The following GRIK2 variants were observed in gnomAD, a reference collection of about 807,000 sequenced individuals.
GRIK2 encodes glutamate receptor ionotropic, kainate 2.
In GRIK2, 32 loss-of-function variants were observed where a neutral mutation model predicts 100.3. The observed-to-expected ratio is 0.32, with a 90% CI of 0.24 to 0.43. GRIK2 has a LOEUF of 0.43. Ranked by LOEUF, GRIK2 falls within the 20% of genes least tolerant of loss-of-function variation. The pLI is 1.00. For synonymous variants in GRIK2, 417 were observed against 389.4 expected, an observed-to-expected ratio of 1.07 and a Z score of -0.83; for missense variants, 843 against 1,114.9, an observed-to-expected ratio of 0.76 and a Z score of 3.47.
chr6:101,782,058 A>T (rs891592352), intron 7 of GRIK2, among the ~76,000 whole-genome samples: 2 of 152,154 alleles, frequency 1.3e-5, no homozygotes, highest in Non-Finnish European at 2.9e-5. Flanking sequence ...ATATTTATGG[A>T]GTACATGTGA....
chr6:101,881,766 TC>T (rs1391584990), intron 11 of GRIK2, among the ~76,000 whole-genome samples: 1 of 151,244 alleles, frequency 6.6e-6, no homozygotes, highest in African/African-American at 2.4e-5. Flanking sequence ...GGTGGGAGGA[TC>T]CCTTGAGCCC....
chr6:101,877,824 T>G (rs936404669), intron 11 of GRIK2, among the ~76,000 whole-genome samples: 3 of 151,756 alleles, frequency 2.0e-5, no homozygotes, highest in African/African-American at 7.2e-5. Context: ...TGTGGAGAGA[T>G]AAACAGTCCA....
chr6:101,733,217 A>C (rs976278826), intron 7 of GRIK2, among the ~76,000 whole-genome samples: 1 of 152,122 alleles, frequency 6.6e-6, no homozygotes, highest in African/African-American at 2.4e-5. Context: ...AATACTATCT[A>C]AATCAGATAT....
At chr6:101,654,367 G>A (rs762428998) in intron 4 of GRIK2, among the ~76,000 whole-genome samples, 6 of 152,054 alleles carry the variant, frequency 3.9e-5, no homozygotes, top group African/African-American at 9.7e-5. Flanking sequence ...GAATCACAAC[G>A]AATTTGACTG....
At chr6:101,672,289 C>T (rs943227405) in intron 4 of GRIK2, among the ~76,000 whole-genome samples, 2 of 152,122 alleles carry the variant, frequency 1.3e-5, no homozygotes, top group Non-Finnish European at 2.9e-5. Flanking sequence ...CAACCCTTGA[C>T]ATGGCTGATC....
chr6:101,882,540 A>G (rs188139475), intron 11 of GRIK2, among the ~76,000 whole-genome samples: 15 of 152,178 alleles, frequency 9.9e-5, no homozygotes, highest in Admixed American at 9.8e-4. Context: ...GAGGTGCTGA[A>G]GCAGCAGCTA....
In GRIK2 at chr6:101,910,839, C is replaced by CCACACACACACACGCA. The variant is rs1554284825; in HGVS notation, c.1749-13749_1749-13748insGCACACACACACACAC. Among the ~76,000 whole-genome samples the CCACACACACACACGCA allele has an allele frequency of 4.3e-3, 620 of 143,368 alleles. 3 individuals are homozygous for CCACACACACACACGCA. The highest frequency in any genetic ancestry group is 0.015 in the African/African-American group (586 of 37,830). 94.1% of individuals were successfully genotyped at this position (143,368 alleles called of 152,430 possible). A position where few individuals can be genotyped will look rare whatever the true frequency, so the allele number is the denominator to read the frequency against. ...CACAGTAAAATAATACCAACATACACCACACACACACACACACACACACAC... is the reference window on the plus strand; with the variant it reads ...CACAGTAAAATAATACCAACATACACCACACACACACACGCACACACACACACACACACACACACAC... On this transcript the variant is annotated intron_variant, in intron 12 of 16. Transcript: ENST00000369134.
intron 7 of GRIK2, among the ~76,000 whole-genome samples, chr6:101,776,424 T>C (rs1778751124): frequency 6.6e-6 from 1 of 152,116 alleles, no homozygotes; most frequent in Admixed American, 6.6e-5. Context: ...GACAGACAAA[T>C]AAGGGTTATG....
chr6:101,484,699 G>A (rs1355817274), intron 2 of GRIK2, among the ~76,000 whole-genome samples: 1 of 151,970 alleles, frequency 6.6e-6, no homozygotes, highest in African/African-American at 2.4e-5. Flanking sequence ...ATTATTGTGA[G>A]TTATTGGGAT....
intron 14 of GRIK2, among the ~76,000 whole-genome samples, chr6:101,948,293 T>C (rs1402639953): frequency 6.6e-6 from 1 of 151,368 alleles, no homozygotes; most frequent in Admixed American, 6.6e-5. Context: ...CAGAAAATGA[T>C]TTGAAGAATC....
rs1366319650 is a variant in GRIK2, at chr6:101,965,546, TA to T, written c.2085+36916del. The stretch of plus-strand genomic sequence containing the variant: ...TTCACATTAGTCTTAATAAAAAAAG[TA>T]ATGTTTATTTTTGTAATAATTTATG... On this transcript the variant is annotated intron_variant, in intron 14 of 16. Coordinates refer to ENST00000369134, the MANE Select transcript of GRIK2 (RefSeq NM_021956.5). Among the ~76,000 whole-genome samples, 3 of 152,162 alleles carry T rather than the reference TA, an allele frequency of 2.0e-5. No homozygotes were observed. The East Asian group carries it at 5.8e-4, about 29-fold the overall frequency.
intron 2 of GRIK2, among the ~76,000 whole-genome samples, chr6:101,404,128 G>T (rs907301662): frequency 6.6e-6 from 1 of 152,130 alleles, no homozygotes; most frequent in African/African-American, 2.4e-5. Context: ...TGGTTTATAC[G>T]TCAGTAGACA....
chr6:101,805,863 C>T (rs1428319266), intron 9 of GRIK2, among the ~76,000 whole-genome samples: 1 of 151,948 alleles, frequency 6.6e-6, no homozygotes, highest in African/African-American at 2.4e-5. Flanking sequence ...AACTGTGGAG[C>T]AGATAAACCA....
At chr6:101,695,096 C>T (rs1274984009) in intron 7 of GRIK2, among the ~76,000 whole-genome samples, 1 of 151,646 alleles carries the variant, frequency 6.6e-6, no homozygotes, top group Non-Finnish European at 1.5e-5. Flanking sequence ...TGACAGAATA[C>T]CTAAGACTAG....
At chr6:101,848,657 T>G (rs1450460198) in intron 10 of GRIK2, among the ~76,000 whole-genome samples, 1 of 152,098 alleles carries the variant, frequency 6.6e-6, no homozygotes, top group Non-Finnish European at 1.5e-5. Flanking sequence ...GGAGTTGCTC[T>G]TTTCACTTAG....
chr6:101,870,057 T>G (rs1785301414), intron 11 of GRIK2, among the ~76,000 whole-genome samples: 1 of 151,972 alleles, frequency 6.6e-6, no homozygotes, highest in South Asian at 2.1e-4. Context: ...TAGTTTAATA[T>G]TAAACAGCAT....
chr6:101,507,373 T>C (rs1774077441), intron 2 of GRIK2, among the ~76,000 whole-genome samples: 1 of 152,132 alleles, frequency 6.6e-6, no homozygotes, highest in Non-Finnish European at 1.5e-5. Flanking sequence ...TGCTTAAAAA[T>C]ACCCATGATA....
At chr6:102,047,171 A>G (rs2782924) in intron 15 of GRIK2, among the ~76,000 whole-genome samples, 56,834 of 151,886 alleles carry the variant, frequency 0.37, 11,258 homozygotes, top group Middle Eastern at 0.45. Flanking sequence ...AGAACAAACT[A>G]AACCCTAAAG....
intron 4 of GRIK2, among the ~76,000 whole-genome samples, chr6:101,642,141 CAG>C (rs950661684): frequency 4.6e-5 from 7 of 151,814 alleles, no homozygotes; most frequent in South Asian, 2.1e-4. Context: ...CAAAATAAAA[CAG>C]AATTCTGTTT....
Sources: gnomAD v4.1 joint callset for allele counts (sites outside exome capture counted in the v4.1 genomes callset) on GRCh38, gnomAD v4.1.1 for gene constraint, MANE v1.5 for transcripts, NCBI Gene and HGNC (gene_info 2026-07-23, HGNC 2026-07-21) for gene names.